The following ASIC2 variants were observed in gnomAD, a reference collection of about 807,000 sequenced individuals.
ASIC2 encodes acid sensing ion channel subunit 2.
ASIC2 carries 25 observed loss-of-function variants against 57.3 expected under a neutral mutation model. The ratio of observed to expected loss-of-function variants is 0.44; its 90% CI spans 0.32 to 0.61. ASIC2 has a LOEUF of 0.61. ASIC2 is among the 20% of genes least tolerant of loss of function. ASIC2 has a pLI of 0.06. For synonymous variants in ASIC2, 319 were observed against 307.5 expected (o/e 1.04, Z -0.39); for missense variants, 641 against 738.1 (o/e 0.87, Z 1.52).
chr17:33,112,075 A>G lies in ASIC2; in HGVS notation c.709-8T>C. The G allele has an allele frequency of 6.2e-7, 1 of 1,609,582 alleles. No individual in the cohort carries two copies. Among genetic ancestry groups the G allele is most frequent in the East Asian group, 2.2e-5 (1 of 44,696 alleles). On this transcript the variant is annotated splice_polypyrimidine_tract_variant and splice_region_variant and intron_variant, in intron 1 of 9. Transcript: ENST00000225823. ...CCCATATTTTGTAAACACCTGAAGG[A>G]GAGAAGAGAGAGAGAGAGAGAAGCA...
intron 1 of ASIC2, among the ~76,000 whole-genome samples, chr17:34,040,064 G>C (rs569040528): frequency 1.4e-5 from 2 of 141,900 alleles, no homozygotes; most frequent in Non-Finnish European, 3.1e-5. Flanking sequence ...GGGCGGGGGA[G>C]GGGGGGCACG....
At chr17:33,498,368 G>T (rs1375447268) in intron 1 of ASIC2, among the ~76,000 whole-genome samples, 1 of 152,242 alleles carries the variant, frequency 6.6e-6, no homozygotes, top group Non-Finnish European at 1.5e-5. Flanking sequence ...GAGTCAGGCA[G>T]TGTGGAGCGT....
intron 7 of ASIC2, among the ~76,000 whole-genome samples, chr17:33,018,259 A>G (rs2091817412): frequency 6.6e-6 from 1 of 152,034 alleles, no homozygotes; most frequent in Non-Finnish European, 1.5e-5. Context: ...CCATTATTCA[A>G]AGTTTTCTGG....
At chr17:33,510,043 G>A (rs1306614695) in intron 1 of ASIC2, among the ~76,000 whole-genome samples, 1 of 152,224 alleles carries the variant, frequency 6.6e-6, no homozygotes, top group Non-Finnish European at 1.5e-5. Flanking sequence ...GGTAGTAGCT[G>A]TGGGGTAGCA....
In ASIC2 at chr17:33,765,963, C is replaced by T. The variant is rs143053321; in HGVS notation, c.555+390015G>A. ...CAAGCAGAGCTGCTTGGGAAGGGGT[C>T]TCCCTGCTCTAGTAGGCCACCCTCT... On this transcript the variant is annotated intron_variant, in intron 1 of 9. Transcript: ENST00000359872. Among the ~76,000 whole-genome samples, 32 of 152,292 alleles carry T rather than the reference C, an allele frequency of 2.1e-4. No individual in the cohort carries two copies. In the East Asian group the frequency reaches 5.4e-3, roughly 26 times the overall value.
intron 1 of ASIC2, among the ~76,000 whole-genome samples, chr17:33,916,337 C>T (rs112050635): frequency 0.024 from 3,704 of 152,172 alleles, 76 homozygotes; most frequent in Middle Eastern, 0.044. Context: ...TACTAAGTAC[C>T]GGTAGGTACT....
intron 1 of ASIC2, among the ~76,000 whole-genome samples, chr17:33,471,615 T>C (rs1913052952): frequency 6.6e-6 from 1 of 152,176 alleles, no homozygotes; most frequent in African/African-American, 2.4e-5. Context: ...TAATCATTTT[T>C]GGCTACTGGA....
At chr17:33,353,922 C>A (rs1353469701) in intron 1 of ASIC2, among the ~76,000 whole-genome samples, 1 of 152,148 alleles carries the variant, frequency 6.6e-6, no homozygotes, top group African/African-American at 2.4e-5. Context: ...TAAAGACATA[C>A]CTAAGACTGG....
intron 1 of ASIC2, among the ~76,000 whole-genome samples, chr17:34,065,040 GAGA>G (rs771350742): frequency 1.2e-4 from 18 of 152,100 alleles, no homozygotes; most frequent in Non-Finnish European, 2.1e-4. Context: ...TATCTATCCA[GAGA>G]AGAAGTCATT....
intron 1 of ASIC2, among the ~76,000 whole-genome samples, chr17:33,435,041 C>T (rs922599396): frequency 6.6e-6 from 1 of 152,028 alleles, no homozygotes; most frequent in East Asian, 1.9e-4. Context: ...CTCAAGAAAC[C>T]AGGACACTCA....
Position 33,139,738 on chromosome 17 carries a change from G to A in ASIC2, c.709-27671C>T, listed in dbSNP as rs11658897. Among the ~76,000 whole-genome samples the A allele has an allele frequency of 3.4e-3, 521 of 152,282 alleles. 3 individuals are homozygous for A. The highest frequency in any genetic ancestry group is 4.6e-3 in the Non-Finnish European group (315 of 68,026). Reference sequence around the variant, plus strand: ...TCACTCCCAGACACCCCTATCATGGGCCATGCCTTGAAGAGTACCTGTATA... The same window carrying A: ...TCACTCCCAGACACCCCTATCATGGACCATGCCTTGAAGAGTACCTGTATA... On this transcript the variant is annotated intron_variant, in intron 1 of 9. Coordinates refer to ENST00000225823, the MANE Select transcript of ASIC2 (RefSeq NM_183377.2).
intron 1 of ASIC2, among the ~76,000 whole-genome samples, chr17:33,572,545 T>G (rs1009785213): frequency 3.3e-5 from 5 of 152,120 alleles, no homozygotes; most frequent in African/African-American, 1.2e-4. Flanking sequence ...CCACTGCCCT[T>G]ACCACACCCC....
At chr17:33,690,081 G>T (rs1161279687) in intron 1 of ASIC2, among the ~76,000 whole-genome samples, 2 of 152,154 alleles carry the variant, frequency 1.3e-5, no homozygotes, top group Non-Finnish European at 2.9e-5. Flanking sequence ...GCAAATAGAG[G>T]TATATATATT....
At chr17:33,454,271 T>C (rs1192281328) in intron 1 of ASIC2, among the ~76,000 whole-genome samples, 3 of 152,228 alleles carry the variant, frequency 2.0e-5, no homozygotes, top group African/African-American at 7.2e-5. Context: ...GTCCACTATG[T>C]TGATCTGTGT....
chr17:33,565,890 G>A (rs535677517), intron 1 of ASIC2: 8 of 152,502 alleles, frequency 5.2e-5, no homozygotes, highest in African/African-American at 1.7e-4. Context: ...CCTGGGTGGA[G>A]CGCAGACTGG....
chr17:33,062,478 G>C (rs1020970056), intron 3 of ASIC2, among the ~76,000 whole-genome samples: 3 of 152,210 alleles, frequency 2.0e-5, no homozygotes, highest in African/African-American at 7.2e-5. Context: ...GGTTTTGAGT[G>C]AGTTTCTTAA....
At chr17:34,116,088 C>T (rs1251261959) in intron 1 of ASIC2, among the ~76,000 whole-genome samples, 1 of 152,176 alleles carries the variant, frequency 6.6e-6, no homozygotes, top group Non-Finnish European at 1.5e-5. Flanking sequence ...GTATAGACAA[C>T]TCTTGACAAA....
intron 1 of ASIC2, among the ~76,000 whole-genome samples, chr17:33,413,285 T>G (rs912508914): frequency 6.6e-6 from 1 of 152,224 alleles, no homozygotes; most frequent in Non-Finnish European, 1.5e-5. Flanking sequence ...CCATTGACAT[T>G]TCTATTATAA....
At chr17:33,307,959 G>A (rs375084902) in intron 1 of ASIC2, among the ~76,000 whole-genome samples, 1 of 152,192 alleles carries the variant, frequency 6.6e-6, no homozygotes, top group African/African-American at 2.4e-5. Context: ...TTGTGCAACG[G>A]TTGTTAGCTC....
Sources: gnomAD v4.1 joint callset for allele counts (sites outside exome capture counted in the v4.1 genomes callset) on GRCh38, gnomAD v4.1.1 for gene constraint, MANE v1.5 for transcripts, NCBI Gene and HGNC (gene_info 2026-07-23, HGNC 2026-07-21) for gene names.